The following NELL1 variants were observed in gnomAD, a reference collection of about 807,000 sequenced individuals.
NELL1 encodes protein kinase C-binding protein NELL1.
NELL1 carries 76 observed loss-of-function variants against 107.4 expected under a neutral mutation model. That is an observed-to-expected ratio of 0.71 (90% CI 0.59 to 0.86). The LOEUF (loss-of-function observed/expected upper bound fraction) is 0.86, where lower values mean the gene tolerates loss of function less well. Ranked by LOEUF, NELL1 falls within the 40% of genes least tolerant of loss-of-function variation. The probability of loss-of-function intolerance (pLI) is 0.00; values close to 1 mark genes in which losing one functional copy is unlikely to be tolerated. For synonymous variants in NELL1, 353 were observed against 341.2 expected (o/e 1.03, Z -0.38); for missense variants, 1,024 against 1,005.5 (o/e 1.02, Z -0.25).
At chr11:21,080,306 C>G (rs1854235536) in intron 12 of NELL1, among the ~76,000 whole-genome samples, 1 of 152,040 alleles carries the variant, frequency 6.6e-6, no homozygotes, top group South Asian at 2.1e-4. Flanking sequence ...CTCAGACCAC[C>G]AACAGCCCTG....
At chr11:20,892,512 G>A (rs988927035) in intron 5 of NELL1, among the ~76,000 whole-genome samples, 4 of 152,208 alleles carry the variant, frequency 2.6e-5, no homozygotes, top group Non-Finnish European at 5.9e-5. Flanking sequence ...AACCATTGTG[G>A]ACGATAGTAT....
intron 15 of NELL1, among the ~76,000 whole-genome samples, chr11:21,493,208 A>G (rs908736451): frequency 1.3e-5 from 2 of 152,162 alleles, no homozygotes; most frequent in Non-Finnish European, 2.9e-5. Flanking sequence ...CAGAACCACC[A>G]TATGATACAG....
intron 2 of NELL1, among the ~76,000 whole-genome samples, chr11:20,734,425 G>A (rs751148882): frequency 5.3e-5 from 8 of 152,166 alleles, no homozygotes; most frequent in Non-Finnish European, 1.2e-4. Flanking sequence ...AGGAGGAGAG[G>A]TGCAGGAATC....
rs977573050 is a variant in NELL1 at position 21,295,260 on chromosome 11, A to C, written c.1549+65806A>C. On this transcript the variant is annotated intron_variant, in intron 14 of 19. Transcript: ENST00000357134. Reference sequence around the variant, plus strand: ...ATTAAAACCCAGCCCAGGGCACTGGAGTATAACCATACTACTAAAGCTATC... The same window carrying C: ...ATTAAAACCCAGCCCAGGGCACTGGCGTATAACCATACTACTAAAGCTATC... Among the ~76,000 whole-genome samples the C allele has an allele frequency of 2.6e-5, 4 of 152,072 alleles. No homozygotes were observed. The East Asian group carries it at 7.7e-4, about 29-fold the overall frequency.
chr11:21,297,495 C>T (rs1449392370), intron 14 of NELL1, among the ~76,000 whole-genome samples: 4 of 151,984 alleles, frequency 2.6e-5, no homozygotes, highest in African/African-American at 9.7e-5. Context: ...CATCCTTTTC[C>T]AGTGTGCAGG....
chr11:20,951,694 G>A (rs1429555461), intron 11 of NELL1, among the ~76,000 whole-genome samples: 2 of 152,136 alleles, frequency 1.3e-5, no homozygotes, highest in African/African-American at 2.4e-5. Flanking sequence ...GAAGAAACAC[G>A]CAAAGGGAAT....
chr11:21,161,944 C>CTTTTTTTTTTT lies in NELL1; in HGVS notation c.1426+48244_1426+48254dup, dbSNP rs34422649. 2.2e-4 allele frequency among the ~76,000 whole-genome samples: 18 copies of CTTTTTTTTTTT among 83,058 alleles called. 1 individual carries two copies. Among genetic ancestry groups the CTTTTTTTTTTT allele is most frequent in the African/African-American group, 2.9e-4 (6 of 20,784 alleles). The allele number at this position is 83,058 out of a possible 152,430, so 54.5% of individuals were successfully genotyped here. On this transcript the variant is annotated intron_variant, in intron 13 of 19. Coordinates refer to ENST00000357134, the MANE Select transcript of NELL1 (RefSeq NM_006157.5). The stretch of plus-strand genomic sequence containing the variant: ...CCAATCTTTTCTCTGGGAACATAAT[C>CTTTTTTTTTTT]TTTTTTTTTTTTTTTTTTTTTTTTG...
intron 12 of NELL1, among the ~76,000 whole-genome samples, chr11:21,107,028 G>A (rs555945318): frequency 1.3e-5 from 2 of 152,038 alleles, no homozygotes; most frequent in Non-Finnish European, 1.5e-5. Context: ...GCAGTTCTAC[G>A]CTCATAGCAA....
chr11:21,051,461 A>G (rs1853491172), intron 12 of NELL1, among the ~76,000 whole-genome samples: 1 of 152,136 alleles, frequency 6.6e-6, no homozygotes, highest in South Asian at 2.1e-4. Context: ...ATGTGCACCA[A>G]AATCTCAGAA....
intron 16 of NELL1, among the ~76,000 whole-genome samples, chr11:21,550,768 G>A (rs1005467839): frequency 1.7e-4 from 26 of 152,078 alleles, no homozygotes; most frequent in Non-Finnish European, 3.5e-4. Context: ...TTGAAGTCAG[G>A]TAGCGTGATG....
At chr11:21,186,160 T>G (rs768965386) in intron 13 of NELL1, among the ~76,000 whole-genome samples, 4 of 151,818 alleles carry the variant, frequency 2.6e-5, no homozygotes, top group Non-Finnish European at 5.9e-5. Flanking sequence ...TGATGGCTGA[T>G]CTTAGGTCAT....
At chr11:21,458,774 T>C (rs980959479) in intron 15 of NELL1, among the ~76,000 whole-genome samples, 2 of 152,152 alleles carry the variant, frequency 1.3e-5, no homozygotes, top group African/African-American at 2.4e-5. Context: ...GGGTTAGTTT[T>C]AGGTGCAGTA....
chr11:21,408,704 G>C (rs556787936), intron 15 of NELL1, among the ~76,000 whole-genome samples: 31 of 152,076 alleles, frequency 2.0e-4, no homozygotes, highest in African/African-American at 7.2e-4. Context: ...GGCTTTTGTT[G>C]CCATTGCTTT....
chr11:21,203,476 C>T (rs187590445), intron 13 of NELL1, among the ~76,000 whole-genome samples: 2 of 116,572 alleles, frequency 1.7e-5, no homozygotes, highest in African/African-American at 3.5e-5. Context: ...GGTAAATATT[C>T]CTCCATCCTT....
intron 14 of NELL1, among the ~76,000 whole-genome samples, chr11:21,247,724 TA>T (rs1858530906): frequency 6.6e-6 from 1 of 152,220 alleles, no homozygotes; most frequent in African/African-American, 2.4e-5. Context: ...ACCAGTAACA[TA>T]GCTGTTTGTC....
intron 2 of NELL1, among the ~76,000 whole-genome samples, chr11:20,758,300 T>C (rs1856342564): frequency 6.6e-6 from 1 of 152,178 alleles, no homozygotes; most frequent in Non-Finnish European, 1.5e-5. Context: ...ACGAGACCCA[T>C]CATGGTGTCG....
intron 12 of NELL1, among the ~76,000 whole-genome samples, chr11:21,007,396 C>T (rs953899177): frequency 6.6e-6 from 1 of 151,902 alleles, no homozygotes; most frequent in Non-Finnish European, 1.5e-5. Flanking sequence ...CAGACACACA[C>T]ACACACACAC....
intron 11 of NELL1, among the ~76,000 whole-genome samples, chr11:20,954,519 G>T (rs923075059): frequency 1.3e-5 from 2 of 152,146 alleles, no homozygotes; most frequent in African/African-American, 4.8e-5. Context: ...TTGCCCCTTA[G>T]GGATTATAAT....
intron 15 of NELL1, among the ~76,000 whole-genome samples, chr11:21,409,937 GAAAC>G (rs913433391): frequency 2.6e-5 from 4 of 151,910 alleles, no homozygotes; most frequent in African/African-American, 4.8e-5. Flanking sequence ...GGAAGAAAGA[GAAAC>G]AATACAAAAA....
Sources: gnomAD v4.1 joint callset for allele counts (sites outside exome capture counted in the v4.1 genomes callset) on GRCh38, gnomAD v4.1.1 for gene constraint, MANE v1.5 for transcripts, NCBI Gene and HGNC (gene_info 2026-07-23, HGNC 2026-07-21) for gene names.